The following CAMKK1 variants were observed in gnomAD, a reference collection of about 807,000 sequenced individuals.
The protein encoded by CAMKK1 is calcium/calmodulin-dependent protein kinase kinase 1.
CAMKK1 carries 20 observed loss-of-function variants against 63.5 expected under a neutral mutation model. That is an observed-to-expected ratio of 0.32 (90% CI 0.22 to 0.46). The LOEUF is 0.46. Ranked by LOEUF, CAMKK1 falls within the 20% of genes least tolerant of loss-of-function variation. The pLI is 1.00. For synonymous variants in CAMKK1, 253 were observed against 269.0 expected, an observed-to-expected ratio of 0.94 and a Z score of 0.58; for missense variants, 588 against 658.1, an observed-to-expected ratio of 0.89 and a Z score of 1.17.
At chr17:3,869,249 G>A (rs955092143) in intron 14 of CAMKK1, among the ~76,000 whole-genome samples, 10 of 152,166 alleles carry the variant, frequency 6.6e-5, no homozygotes, top group African/African-American at 1.2e-4. Flanking sequence ...GAGCCACCGC[G>A]CCCGGCCCCA....
intron 13 of CAMKK1, 88 bp downstream of exon 13, chr17:3,869,713 A>G: frequency 4.4e-6 from 7 of 1,594,476 alleles, no homozygotes; most frequent in Admixed American, 1.7e-5. Context: ...CCCAACACAC[A>G]TGCATCCTGG....
chr17:3,865,248 TC>T (rs2054472787), intron 15 of CAMKK1: 1 of 986,046 alleles, frequency 1.0e-6, no homozygotes. Flanking sequence ...TTCTGGACCC[TC>T]CTAGGAGGTG....
rs746280140 is a variant in CAMKK1, at chr17:3,862,249, C to T, written c.1480G>A (p.Glu494Lys). The T allele has an allele frequency of 1.3e-6, 2 of 1,591,212 alleles. No homozygotes were observed. The highest frequency in any genetic ancestry group is 1.7e-6 in the Non-Finnish European group (2 of 1,168,142). Residue 494 changes from glutamate to lysine, a missense_variant, in exon 16 of 16, where the codon GAG (glutamate) becomes AAG (lysine). Glu to Lys is a moderately conservative substitution (Grantham distance 56, BLOSUM62 1). Around this residue, in one of 3 missense-constraint regions of CAMKK1, gnomAD observed 226 missense variants for 229.2 expected, o/e 0.99. Transcript: ENST00000348335. The surrounding 1 kb of genome is among the most constrained non-coding windows in gnomAD (Gnocchi z 4.1). Reference sequence around the variant, plus strand: ...TCGTCTTCCTGGACGCCGGGGAGCTCTGGGCTCTTGCCCCCTTCACCAAAC... The same window carrying T: ...TCGTCTTCCTGGACGCCGGGGAGCTTTGGGCTCTTGCCCCCTTCACCAAAC... ...EGFGEGGKSP[E>K]LPGVQEDEAA... is the part of the protein sequence containing the mutation.
At chr17:3,874,003 G>A (rs991926784) in intron 10 of CAMKK1, among the ~76,000 whole-genome samples, 1 of 152,154 alleles carries the variant, frequency 6.6e-6, no homozygotes, top group Non-Finnish European at 1.5e-5. Context: ...GGACTCCAGC[G>A]TGTGCTCTCT....
At position 3,884,075 on chromosome 17, in the gene CAMKK1, A is replaced by C. The variant is rs1946912033; in HGVS notation, c.409-138T>G. The C allele has an allele frequency of 6.9e-6, 6 of 864,572 alleles. No individual in the cohort carries two copies. The South Asian group carries it at 8.7e-5, about 12-fold the overall frequency. The allele number at this position is 864,572 out of a possible 1,614,324, so 53.6% of individuals were successfully genotyped here. A position where few individuals can be genotyped will look rare whatever the true frequency, so the allele number is the denominator to read the frequency against. On this transcript the variant is annotated intron_variant, in intron 3 of 15. Coordinates refer to ENST00000348335, the MANE Select transcript of CAMKK1 (RefSeq NM_032294.3). This position sits in a 1 kb window ranked among gnomAD's most constrained non-coding sequence, Gnocchi z 4.5. ...CCACCACCAGCTGGCTCACGGGCAA[A>C]TATTGTAGCAGATGGGGAGGGGACT...
Position 3,882,009 on chromosome 17 carries a change from G to C in CAMKK1, c.686-361C>G. On this transcript the variant is annotated intron_variant, in intron 7 of 15. Coordinates refer to ENST00000348335, the MANE Select transcript of CAMKK1 (RefSeq NM_032294.3). The surrounding 1 kb of genome is among the most constrained non-coding windows in gnomAD (Gnocchi z 4.3). ...GCCTCAGCCTCTAATTCCTAAGCCA[G>C]TTCTTCTTCTGCCCCATTTTCTGAG... The C allele has an allele frequency of 1.9e-6, 1 of 527,106 alleles. No individual in the cohort carries two copies. Among genetic ancestry groups the C allele is most frequent in the Non-Finnish European group, 3.3e-6 (1 of 299,154 alleles). 32.7% of individuals were successfully genotyped at this position (527,106 alleles called of 1,614,324 possible).
chr17:3,862,245 A>G lies in CAMKK1; in HGVS notation c.1484T>C (p.Leu495Pro). ...AGCCTCGTCTTCCTGGACGCCGGGG[A>G]GCTCTGGGCTCTTGCCCCCTTCACC... ...GFGEGGKSPE[L>P]PGVQEDEAAS Residue 495 changes from leucine (L) to proline (P), a missense_variant, in exon 16 of 16, where the codon CTC becomes CCC. By Grantham distance (98) the Leu-to-Pro change is moderately conservative. Transcript: ENST00000348335. This position sits in a 1 kb window ranked among gnomAD's most constrained non-coding sequence, Gnocchi z 4.1. The G allele has an allele frequency of 6.3e-7, 1 of 1,591,428 alleles. No individual in the cohort carries two copies. Among genetic ancestry groups the G allele is most frequent in the Non-Finnish European group, 8.6e-7 (1 of 1,168,336 alleles).
chr17:3,875,343 A>T (rs902903596), intron 10 of CAMKK1, among the ~76,000 whole-genome samples: 2 of 152,194 alleles, frequency 1.3e-5, no homozygotes, highest in East Asian at 1.9e-4. Flanking sequence ...CAGGCTAGAC[A>T]CCATCACAGC....
At position 3,879,307 on chromosome 17, in the gene CAMKK1, C is replaced by G. The variant is rs1432145242; in HGVS notation, c.796+1039G>C. 1.3e-5 allele frequency: 2 copies of G among 152,872 alleles called. No homozygotes were observed. The highest frequency in any genetic ancestry group is 4.8e-5 in the African/African-American group (2 of 41,442). The allele number at this position is 152,872 out of a possible 1,614,324, so 9.5% of individuals were successfully genotyped here. Reference sequence around the variant, plus strand: ...TCTGTCACTTGGGCTGCAGAAACAGCCTCCTCCCTGGCCAGCTGGCTGCCT... The same window carrying G: ...TCTGTCACTTGGGCTGCAGAAACAGGCTCCTCCCTGGCCAGCTGGCTGCCT... On this transcript the variant is annotated intron_variant, in intron 9 of 15. Coordinates refer to ENST00000348335, the MANE Select transcript of CAMKK1 (RefSeq NM_032294.3). The surrounding 1 kb of genome is among the most constrained non-coding windows in gnomAD (Gnocchi z 4.5).
Position 3,872,485 on chromosome 17 carries a change from A to C in CAMKK1, c.1124+69T>G, listed in dbSNP as rs914742091. The C allele has an allele frequency of 1.1e-5, 15 of 1,384,208 alleles. No individual in the cohort carries two copies. In the African/African-American group the frequency reaches 1.8e-4, roughly 17 times the overall value. 85.7% of individuals were successfully genotyped at this position (1,384,208 alleles called of 1,614,324 possible). A position where few individuals can be genotyped will look rare whatever the true frequency, so the allele number is the denominator to read the frequency against. ...CTGGGGTGGGGTCCTCAGAGGGCAA[A>C]AGCTCTGCTAAAACTCAGACACCAG... On this transcript the variant is annotated intron_variant, in intron 12 of 15. Transcript: ENST00000348335.
Position 3,885,615 on chromosome 17 carries a change from C to T in CAMKK1, c.73G>A (p.Val25Met). ...ELVERVAAID[V>M]THLEEADGGP... Reference sequence around the variant, plus strand: ...CCATCTGCCTCCTCCAAGTGAGTCACATCGATGGCTGCCACCCGTTCTACC... The same window carrying T: ...CCATCTGCCTCCTCCAAGTGAGTCATATCGATGGCTGCCACCCGTTCTACC... The change falls in exon 2 of 16, where the codon GTG (valine) becomes ATG (methionine). Residue 25 changes from valine to methionine, a missense_variant. Physicochemically the swap from Val to Met is conservative, Grantham distance 21 (BLOSUM62 1). Transcript: ENST00000348335. 3 of 1,614,102 alleles carry T rather than the reference C, an allele frequency of 1.9e-6. No individual in the cohort carries two copies. The highest frequency in any genetic ancestry group is 2.5e-6 in the Non-Finnish European group (3 of 1,180,032).
intron 14 of CAMKK1, 48 bp downstream of exon 14, chr17:3,869,439 T>C: frequency 6.2e-7 from 1 of 1,610,658 alleles, no homozygotes; most frequent in Non-Finnish European, 8.5e-7. Flanking sequence ...AAGGCTCAGG[T>C]CCCCCAGGCC....
In CAMKK1 at chr17:3,892,389, T is replaced by C. The variant is rs2055934343; in HGVS notation, c.-44+550A>G. Among the ~76,000 whole-genome samples the C allele has an allele frequency of 2.0e-5, 3 of 151,086 alleles. No individual in the cohort carries two copies. The highest frequency in any genetic ancestry group is 2.0e-4 in the Admixed American group (3 of 15,208). On this transcript the variant is annotated intron_variant, in intron 1 of 15. Transcript: ENST00000348335. This position sits in a 1 kb window ranked among gnomAD's most constrained non-coding sequence, Gnocchi z 7.5. ...TGGACACCCCCCCAGCCACCAGCCC[T>C]GCGCCTCCCGGGCCCCGAAGCCGCA...
rs1320339099 is a variant in CAMKK1 at position 3,865,996 on chromosome 17, T to C, written c.1357A>G (p.Met453Val). ...TTCCCAAAGGAACGCTTCCTCAGCA[T>C]GGACTTCACCAGGATCTGAGGAGGA... Reference protein sequence around the residue: ...SWTTVILVKSMLRKRSFGNPF... With the variant: ...SWTTVILVKSVLRKRSFGNPF... The change falls in exon 15 of 16, where the codon ATG becomes GTG. Residue 453 changes from methionine to valine, a missense_variant. Met to Val is a conservative substitution (Grantham distance 21). Around this residue, in one of 3 missense-constraint regions of CAMKK1, gnomAD observed 226 missense variants for 229.2 expected, o/e 0.99. Coordinates refer to ENST00000348335, the MANE Select transcript of CAMKK1 (RefSeq NM_032294.3). 1 of 1,614,102 alleles carries C rather than the reference T, an allele frequency of 6.2e-7. No individual in the cohort carries two copies.
intron 14 of CAMKK1, among the ~76,000 whole-genome samples, chr17:3,868,659 C>CT (rs1240952614): frequency 0.032 from 4,752 of 147,832 alleles, 229 homozygotes; most frequent in African/African-American, 0.11. Flanking sequence ...CTATTTCTTT[C>CT]TTTTTTTTTT....
chr17:3,881,818 G>T, intron 7 of CAMKK1, 170 bp from the exon 8 acceptor site: 1 of 643,726 alleles, frequency 1.6e-6, no homozygotes, highest in Non-Finnish European at 2.8e-6. Flanking sequence ...ATGAGAGTGG[G>T]GTCTGCTATG....
chr17:3,881,248 C>T (rs1006636241), intron 8 of CAMKK1, among the ~76,000 whole-genome samples: 4 of 152,368 alleles, frequency 2.6e-5, no homozygotes, highest in Non-Finnish European at 4.4e-5. Flanking sequence ...ATCCCACCCA[C>T]TCCATTCACA....
At position 3,883,179 on chromosome 17, in the gene CAMKK1, T is replaced by C; in HGVS notation, c.515-4A>G. On this transcript the variant is annotated splice_polypyrimidine_tract_variant and splice_region_variant and intron_variant, in intron 5 of 15. Coordinates refer to ENST00000348335, the MANE Select transcript of CAMKK1 (RefSeq NM_032294.3). The surrounding 1 kb of genome is among the most constrained non-coding windows in gnomAD (Gnocchi z 4.7). ...GACCCTCTCGGGGGAGGGCGACCTG[T>C]GACCAGGAAGAGAACTCAAACACCT... 6.2e-7 allele frequency: 1 copy of C among 1,609,320 alleles called. No individual in the cohort carries two copies. Among genetic ancestry groups the C allele is most frequent in the Non-Finnish European group, 8.5e-7 (1 of 1,179,906 alleles).
intron 15 of CAMKK1, among the ~76,000 whole-genome samples, chr17:3,864,044 C>G (rs1353553065): frequency 2.6e-5 from 4 of 151,858 alleles, no homozygotes; most frequent in Non-Finnish European, 4.4e-5. Context: ...CCTCCACCTC[C>G]CAGACTCAAG....
Sources: allele counts gnomAD v4.1 joint callset (sites outside exome capture counted in the v4.1 genomes callset), GRCh38; gene constraint gnomAD v4.1.1; regional missense constraint gnomAD v4.1.1; non-coding constraint Gnocchi (gnomAD v3.1); transcripts MANE v1.5; gene names NCBI Gene and HGNC (gene_info 2026-07-23, HGNC 2026-07-21).